TRIM42: variants seen among roughly 807,000 people sequenced by gnomAD.
TRIM42 encodes tripartite motif-containing protein 42.
A neutral mutation model predicts 64.9 loss-of-function variants in TRIM42; 59 were observed. The observed-to-expected ratio is 0.91, with a 90% confidence interval of 0.74 to 1.13. The LOEUF (loss-of-function observed/expected upper bound fraction) is 1.13, where lower values mean the gene tolerates loss of function less well. Ranked by LOEUF, TRIM42 falls within the 50% of genes most tolerant of loss-of-function variation. The pLI is 0.00. For missense variants in TRIM42, 878 were observed against 929.5 expected (o/e 0.94, Z 0.72); for synonymous variants, 354 against 346.3 (o/e 1.02, Z -0.25).
intron 2 of TRIM42, among the ~76,000 whole-genome samples, chr3:140,684,647 C>G (rs1988503164): frequency 6.6e-6 from 1 of 152,202 alleles, no homozygotes; most frequent in African/African-American, 2.4e-5. Context: ...ACCTGGAAAC[C>G]TTGCTTGTCA....
chr3:140,688,108 C>T lies in TRIM42; in HGVS notation c.1426C>T (p.Pro476Ser), dbSNP rs749309194. Residue 476 changes from proline to serine, a missense_variant, in exon 3 of 5, where the codon CCC (proline) becomes TCC (serine). Physicochemically the swap from Pro to Ser is moderately conservative, Grantham distance 74. Coordinates refer to ENST00000286349, the MANE Select transcript of TRIM42 (RefSeq NM_152616.5). ...CCGGCTGCACTCAATAAACTACGTG[C>T]CCTTGGACTTTGTTGAGCTTTCCAG... Reference protein sequence around the residue: ...QLRLHSINYVPLDFVELSSAI... With the variant: ...QLRLHSINYVSLDFVELSSAI... The T allele has an allele frequency of 1.2e-5, 19 of 1,613,976 alleles. 1 individual carries two copies. In the Middle Eastern group the frequency reaches 6.6e-4, roughly 56 times the overall value.
rs1196842827 is a variant in TRIM42, at chr3:140,682,449, C to G, written c.342-13C>G. ...CCTGCCTCCTGAAACCCTGCCTTTG[C>G]TTCTCCTTTCAGCTCCAAGACTGCC... On this transcript the variant is annotated splice_polypyrimidine_tract_variant and intron_variant, in intron 1 of 4. Coordinates refer to ENST00000286349, the MANE Select transcript of TRIM42 (RefSeq NM_152616.5). The G allele has an allele frequency of 6.2e-7, 1 of 1,604,542 alleles. No individual in the cohort carries two copies. Among genetic ancestry groups the G allele is most frequent in the African/African-American group, 1.3e-5 (1 of 74,754 alleles).
rs1467064862 is a variant in TRIM42 at position 140,682,633 on chromosome 3, G to T, written c.513G>T (p.Arg171=). Residue 171 remains arginine (R), a synonymous_variant, in exon 2 of 5, where the codon CGG becomes CGT. Transcript: ENST00000286349. The part of the protein sequence containing the change: ...CNHSLCEKCL[R]QLQKHAEVTE... The stretch of plus-strand genomic sequence containing the variant: ...ACAGCCTGTGCGAGAAGTGCCTGCG[G>T]CAGCTGCAGAAGCACGCCGAGGTCA... The T allele has an allele frequency of 6.2e-7, 1 of 1,614,072 alleles. No homozygotes were observed. The highest frequency in any genetic ancestry group is 1.1e-5 in the South Asian group (1 of 91,086).
chr3:140,683,234 G>A, intron 2 of TRIM42, 75 bp downstream of exon 2: 1 of 1,458,412 alleles, frequency 6.9e-7, no homozygotes, highest in East Asian at 2.3e-5. Context: ...GGGGTAATCT[G>A]TTAAGTGAGT....
chr3:140,697,306 G>C (rs1433162385), intron 4 of TRIM42, among the ~76,000 whole-genome samples: 1 of 152,052 alleles, frequency 6.6e-6, no homozygotes, highest in Non-Finnish European at 1.5e-5. Flanking sequence ...TTTGTTCATA[G>C]TGTACTTCAT....
intron 2 of TRIM42, 124 bp downstream of exon 2, chr3:140,683,283 C>T (rs1988463687): frequency 4.0e-6 from 4 of 1,001,012 alleles, no homozygotes; most frequent in Non-Finnish European, 4.4e-6. Flanking sequence ...ATCAAGGCAC[C>T]AGGAAACACT....
At chr3:140,689,033 C>T (rs1988638465) in intron 3 of TRIM42, among the ~76,000 whole-genome samples, 1 of 152,124 alleles carries the variant, frequency 6.6e-6, no homozygotes, top group Non-Finnish European at 1.5e-5. Context: ...GAGGATCATC[C>T]CCAATGAAAT....
intron 2 of TRIM42, among the ~76,000 whole-genome samples, chr3:140,686,699 G>T (rs1988553476): frequency 1.3e-5 from 2 of 152,152 alleles, no homozygotes; most frequent in Non-Finnish European, 1.5e-5. Flanking sequence ...ATTTGGTAAG[G>T]ATTATTGCCC....
Position 140,682,675 on chromosome 3 carries a change from C to T in TRIM42, c.555C>T (p.Ile185=), listed in dbSNP as rs1988434676. Residue 185 remains isoleucine, a synonymous_variant, in exon 2 of 5, where the codon ATC becomes ATT. Transcript: ENST00000286349. ...CCGAGGTCACCGAGAACTTCTTCATCCTCATCTGCCCAGTGTGCGACCGCT... is the reference window on the plus strand; with the variant it reads ...CCGAGGTCACCGAGAACTTCTTCATTCTCATCTGCCCAGTGTGCGACCGCT... ...KHAEVTENFF[I]LICPVCDRSH... is the part of the protein sequence containing the mutation. 6.2e-7 allele frequency: 1 copy of T among 1,613,060 alleles called. No individual in the cohort carries two copies. Among genetic ancestry groups the T allele is most frequent in the Admixed American group, 1.7e-5 (1 of 60,016 alleles).
chr3:140,680,785 T>A (rs1246925908), intron 1 of TRIM42: 1 of 780,488 alleles, frequency 1.3e-6, no homozygotes. Context: ...TGCCTTAATA[T>A]ACACAGGGAG....
chr3:140,691,604 G>A (rs1054801154), intron 4 of TRIM42, among the ~76,000 whole-genome samples: 1 of 152,120 alleles, frequency 6.6e-6, no homozygotes, highest in African/African-American at 2.4e-5. Context: ...TGAAAATACA[G>A]GATGCCCAGT....
Position 140,687,998 on chromosome 3 carries a change from A to G in TRIM42, c.1316A>G (p.Gln439Arg). 6.2e-7 allele frequency: 1 copy of G among 1,614,214 alleles called. No homozygotes were observed. The highest frequency in any genetic ancestry group is 8.5e-7 in the Non-Finnish European group (1 of 1,180,024). ...AAGGAAGCCCTGAAGGAGACTGGCC[A>G]GGTGGCATTCCTGCAGTCAGCCAAG... ...YSKEALKETG[Q>R]VAFLQSAKIL... is the part of the protein sequence containing the mutation. Residue 439 changes from glutamine (Q) to arginine (R), a missense_variant, in exon 3 of 5, where the codon CAG (glutamine) becomes CGG (arginine). Coordinates refer to ENST00000286349, the MANE Select transcript of TRIM42 (RefSeq NM_152616.5).
intron 4 of TRIM42, among the ~76,000 whole-genome samples, chr3:140,699,072 C>T (rs1201863957): frequency 1.3e-5 from 2 of 151,914 alleles, no homozygotes; most frequent in Non-Finnish European, 2.9e-5. Flanking sequence ...AAATTTTTTG[C>T]ATTATTTGAG....
chr3:140,691,219 G>A, intron 4 of TRIM42, 27 bp downstream of exon 4: 1 of 1,601,752 alleles, frequency 6.2e-7, no homozygotes, highest in East Asian at 2.2e-5. Context: ...TTCTCAGACA[G>A]ATTTTTTTTT....
Position 140,688,182 on chromosome 3 carries a change from A to G in TRIM42, c.1500A>G (p.Ser500=). The change falls in exon 3 of 5, where the codon TCA becomes TCG. Residue 500 remains serine, a synonymous_variant. Coordinates refer to ENST00000286349, the MANE Select transcript of TRIM42 (RefSeq NM_152616.5). The part of the protein sequence containing the change: ...FPTGPKKVRS[S]GDSLPSPYPV... ...CAGGGCCCAAGAAGGTACGCTCCTC[A>G]GGGGACTCCCTGCCCTCCCCCTACC... The G allele has an allele frequency of 1.2e-6, 2 of 1,614,150 alleles. No individual in the cohort carries two copies. Among genetic ancestry groups the G allele is most frequent in the Non-Finnish European group, 1.7e-6 (2 of 1,180,008 alleles).
chr3:140,691,256 G>A, intron 4 of TRIM42, 64 bp downstream of exon 4: 1 of 1,337,350 alleles, frequency 7.5e-7, no homozygotes. Flanking sequence ...ATGAGGCCCT[G>A]TTAAGATGAT....
Position 140,688,331 on chromosome 3 carries a change from A to G in TRIM42, c.1649A>G (p.Lys550Arg). Residue 550 changes from lysine (K) to arginine (R), a missense_variant, in exon 3 of 5, where the codon AAG (lysine) becomes AGG (arginine). By Grantham distance (26) the Lys-to-Arg change is conservative. Transcript: ENST00000286349. Reference protein sequence around the residue: ...LSFSNTDKKAKVGLEACGRAQ... With the variant: ...LSFSNTDKKARVGLEACGRAQ... Reference sequence around the variant, plus strand: ...TTCAGCAACACTGACAAGAAGGCCAAGGTGGGTCTGGAGGCCTGTGGGAGA... The same window carrying G: ...TTCAGCAACACTGACAAGAAGGCCAGGGTGGGTCTGGAGGCCTGTGGGAGA... 1 of 1,614,224 alleles carries G rather than the reference A, an allele frequency of 6.2e-7. No homozygotes were observed. The highest frequency in any genetic ancestry group is 8.5e-7 in the Non-Finnish European group (1 of 1,180,034).
At position 140,687,988 on chromosome 3, in the gene TRIM42, G is replaced by C; in HGVS notation, c.1306G>C (p.Glu436Gln). 2 of 1,614,202 alleles carry C rather than the reference G, an allele frequency of 1.2e-6. No homozygotes were observed. The highest frequency in any genetic ancestry group is 1.7e-6 in the Non-Finnish European group (2 of 1,180,034). ...LIAYSKEALKETGQVAFLQSA... is the reference protein window; with the variant it reads ...LIAYSKEALKQTGQVAFLQSA... ...CGCCTACTCCAAGGAAGCCCTGAAGGAGACTGGCCAGGTGGCATTCCTGCA... is the reference window on the plus strand; with the variant it reads ...CGCCTACTCCAAGGAAGCCCTGAAGCAGACTGGCCAGGTGGCATTCCTGCA... Residue 436 changes from glutamate (E) to glutamine (Q), a missense_variant, in exon 3 of 5, where the codon GAG becomes CAG. Physicochemically the swap from Glu to Gln is conservative, Grantham distance 29. Transcript: ENST00000286349.
intron 2 of TRIM42, among the ~76,000 whole-genome samples, chr3:140,684,287 T>C (rs1988494509): frequency 6.6e-6 from 1 of 152,190 alleles, no homozygotes; most frequent in Non-Finnish European, 1.5e-5. Context: ...CAATATTCAT[T>C]TGACAATCTA....
Sources: allele counts gnomAD v4.1 joint callset (sites outside exome capture counted in the v4.1 genomes callset), GRCh38; gene constraint gnomAD v4.1.1; transcripts MANE v1.5; gene names NCBI Gene and HGNC (gene_info 2026-07-23, HGNC 2026-07-21).